The following KALRN variants were observed in gnomAD, a reference collection of about 807,000 sequenced individuals.
KALRN encodes kalirin RhoGEF kinase.
A neutral mutation model predicts 353.7 loss-of-function variants in KALRN; 70 were observed. The ratio of observed to expected loss-of-function variants is 0.20; its 90% CI spans 0.16 to 0.24. The LOEUF is 0.24. KALRN is among the 10% of genes least tolerant of loss of function. The pLI is 1.00. For synonymous variants in KALRN, 1,391 were observed against 1,434.8 expected (o/e 0.97, Z 0.69); for missense variants, 2,791 against 3,756.7 (o/e 0.74, Z 6.72).
At chr3:124,102,166 A>G (rs1049483839) in intron 1 of KALRN, among the ~76,000 whole-genome samples, 1 of 152,180 alleles carries the variant, frequency 6.6e-6, no homozygotes, top group African/African-American at 2.4e-5. Flanking sequence ...ATCTATGTAT[A>G]TATACCTATT....
chr3:124,316,248 T>C lies in KALRN; in HGVS notation c.1093-9732T>C, dbSNP rs1361089748. 2.6e-5 allele frequency among the ~76,000 whole-genome samples: 4 copies of C among 151,412 alleles called. No homozygotes were observed. The East Asian group carries it at 5.8e-4, about 22-fold the overall frequency. On this transcript the variant is annotated intron_variant, in intron 6 of 59. Transcript: ENST00000682506. Reference sequence around the variant, plus strand: ...ACATCAGCTCCTGCCTGGACTGCTGTAGTAGCTCCTACCTGGTCTCTCTGC... The same window carrying C: ...ACATCAGCTCCTGCCTGGACTGCTGCAGTAGCTCCTACCTGGTCTCTCTGC...
intron 2 of KALRN, among the ~76,000 whole-genome samples, chr3:124,234,359 C>T (rs1331336971): frequency 6.6e-6 from 1 of 152,278 alleles, no homozygotes; most frequent in East Asian, 1.9e-4. Context: ...GAGGTCTTCT[C>T]ACCATAGTAG....
chr3:124,447,261 G>T (rs911359086), intron 21 of KALRN, among the ~76,000 whole-genome samples: 1 of 152,220 alleles, frequency 6.6e-6, no homozygotes, highest in Non-Finnish European at 1.5e-5. Context: ...TGCACTTTGA[G>T]TGGTTTGGGA....
chr3:124,546,280 C>G (rs1451880720), intron 33 of KALRN, among the ~76,000 whole-genome samples: 1 of 120,080 alleles, frequency 8.3e-6, no homozygotes, highest in Non-Finnish European at 1.7e-5. Flanking sequence ...ATAGTGAGAC[C>G]CCCATCTCTC....
At position 124,456,688 on chromosome 3, in the gene KALRN, G is replaced by A. The variant is rs148014867; in HGVS notation, c.3814G>A (p.Glu1272Lys). 7 of 1,613,066 alleles carry A rather than the reference G, an allele frequency of 4.3e-6. No homozygotes were observed. Among genetic ancestry groups the A allele is most frequent in the East Asian group, 2.2e-5 (1 of 44,854 alleles). ...GGTCAAGCTGCGGGACGCCAACCAC[G>A]AAGTCAATGAAGAGAAGCGGAAGTC... ...REVKLRDANH[E>K]VNEEKRKSAR... Residue 1272 changes from glutamate (E) to lysine (K), a missense_variant, in exon 23 of 60, where the codon GAA (glutamate) becomes AAA (lysine). Coordinates refer to ENST00000682506, the MANE Select transcript of KALRN (RefSeq NM_001388419.1).
At chr3:124,165,031 T>A (rs2070603323) in intron 1 of KALRN, among the ~76,000 whole-genome samples, 1 of 152,194 alleles carries the variant, frequency 6.6e-6, no homozygotes, top group African/African-American at 2.4e-5. Context: ...TTGCTGAAGG[T>A]TTCTTCTGTT....
chr3:124,116,810 A>G (rs2063502360), intron 1 of KALRN, among the ~76,000 whole-genome samples: 1 of 152,218 alleles, frequency 6.6e-6, no homozygotes, highest in African/African-American at 2.4e-5. Flanking sequence ...CTGTGGTATC[A>G]CTCTTTCTCA....
At chr3:124,034,189 T>C (rs2039178611) in intron 1 of KALRN, among the ~76,000 whole-genome samples, 2 of 152,050 alleles carry the variant, frequency 1.3e-5, no homozygotes, top group East Asian at 3.9e-4. Context: ...CCCCCTCCCC[T>C]GTGCCTGTCA....
At chr3:124,696,298 A>G in intron 54 of KALRN, 43 bp downstream of exon 54, 1 of 1,586,196 alleles carries the variant, frequency 6.3e-7, no homozygotes, top group Non-Finnish European at 8.6e-7. Flanking sequence ...ATATATATAT[A>G]TTTTTAGACA....
chr3:124,119,973 G>T (rs1208893795), intron 1 of KALRN, among the ~76,000 whole-genome samples: 2 of 152,180 alleles, frequency 1.3e-5, no homozygotes, highest in Non-Finnish European at 2.9e-5. Context: ...GGGATTGGGA[G>T]AACAACATCA....
At chr3:124,634,580 G>A (rs1327469117) in intron 36 of KALRN, among the ~76,000 whole-genome samples, 9 of 152,206 alleles carry the variant, frequency 5.9e-5, no homozygotes, top group Non-Finnish European at 1.2e-4. Flanking sequence ...GATCATCCCA[G>A]TTGTTCTGGA....
At chr3:124,085,542 G>A (rs1474681006) in intron 1 of KALRN, among the ~76,000 whole-genome samples, 3 of 152,198 alleles carry the variant, frequency 2.0e-5, no homozygotes, top group African/African-American at 7.2e-5. Flanking sequence ...ACTTGAACAG[G>A]TGGATAAGTC....
intron 22 of KALRN, among the ~76,000 whole-genome samples, chr3:124,456,050 T>C (rs1273514720): frequency 6.6e-6 from 1 of 152,220 alleles, no homozygotes; most frequent in African/African-American, 2.4e-5. Flanking sequence ...TGTGAGTTTT[T>C]ATCTAGGAAG....
intron 1 of KALRN, among the ~76,000 whole-genome samples, chr3:124,112,667 A>G (rs757304722): frequency 1.2e-4 from 19 of 152,024 alleles, no homozygotes; most frequent in Non-Finnish European, 2.6e-4. Context: ...TCCTATATCT[A>G]TGGCTTGATC....
intron 57 of KALRN, among the ~76,000 whole-genome samples, chr3:124,702,401 G>A (rs1489514513): frequency 1.3e-5 from 2 of 152,066 alleles, no homozygotes; most frequent in African/African-American, 4.8e-5. Context: ...CCTGAGTTTT[G>A]ATATGCAGTA....
intron 34 of KALRN, among the ~76,000 whole-genome samples, chr3:124,620,894 CTGCTTCCAA>C (rs1240659297): frequency 6.6e-6 from 1 of 152,244 alleles, no homozygotes; most frequent in Non-Finnish European, 1.5e-5. Flanking sequence ...ATTTTATCCT[CTGCTTCCAA>C]TGCCATCCTA....
intron 34 of KALRN, among the ~76,000 whole-genome samples, chr3:124,567,010 A>G (rs2072925652): frequency 6.6e-6 from 1 of 152,212 alleles, no homozygotes; most frequent in South Asian, 2.1e-4. Flanking sequence ...CTATCACCCC[A>G]GAAATGGGGA....
intron 5 of KALRN, among the ~76,000 whole-genome samples, chr3:124,272,982 G>A (rs550701897): frequency 3.3e-4 from 51 of 152,302 alleles, no homozygotes; most frequent in African/African-American, 1.1e-3. Context: ...GCTGGTTGGC[G>A]GAGGCCTCTA....
chr3:124,446,764 C>G lies in KALRN; in HGVS notation c.3431C>G (p.Ala1144Gly). Residue 1144 changes from alanine to glycine, a missense_variant and splice_region_variant, in exon 21 of 60, where the codon GCG becomes GGG. This residue lies in a region of KALRN where 268 missense variants were observed against 347.0 expected (regional missense o/e 0.77). Transcript: ENST00000682506. ...YVVFERSAKQALDWIQETGEF... is the reference protein window; with the variant it reads ...YVVFERSAKQGLDWIQETGEF... ...TGGATGAGTTGTTTCCTCCCATAGG[C>G]GCTTGACTGGATCCAAGAAACAGGT... 1 of 1,614,092 alleles carries G rather than the reference C, an allele frequency of 6.2e-7. No homozygotes were observed.
Sources: gnomAD v4.1 joint callset for allele counts (sites outside exome capture counted in the v4.1 genomes callset) on GRCh38, gnomAD v4.1.1 for gene constraint, gnomAD v4.1.1 regional missense constraint, MANE v1.5 for transcripts, NCBI Gene and HGNC (gene_info 2026-07-23, HGNC 2026-07-21) for gene names.